HCN1: variants seen among roughly 807,000 people sequenced by gnomAD.
HCN1 encodes the protein hyperpolarization activated cyclic nucleotide gated potassium channel 1.
In HCN1, 13 loss-of-function variants were observed where a neutral mutation model predicts 78.9. That is an observed-to-expected ratio of 0.16 (90% CI 0.11 to 0.26). The LOEUF (loss-of-function observed/expected upper bound fraction) is 0.26, where lower values mean the gene tolerates loss of function less well. Ranked by LOEUF, HCN1 falls within the 10% of genes least tolerant of loss-of-function variation. HCN1 has a pLI of 1.00. For missense variants in HCN1, 810 were observed against 1,154.3 expected (o/e 0.70, Z 4.32); for synonymous variants, 552 against 455.5 (o/e 1.21, Z -2.70).
At chr5:45,582,238 C>A (rs1744095337) in intron 2 of HCN1, among the ~76,000 whole-genome samples, 1 of 152,120 alleles carries the variant, frequency 6.6e-6, no homozygotes, top group Non-Finnish European at 1.5e-5. Flanking sequence ...GTCCTTCACT[C>A]CCTTATAAGT....
rs1346570309 is a variant in HCN1 at position 45,363,669 on chromosome 5, G to A, written c.1231-10423C>T. Among the ~76,000 whole-genome samples the A allele has an allele frequency of 2.6e-5, 4 of 152,052 alleles. No homozygotes were observed. The East Asian group carries it at 5.8e-4, about 22-fold the overall frequency. On this transcript the variant is annotated intron_variant, in intron 4 of 7. Transcript: ENST00000303230. Reference sequence around the variant, plus strand: ...ATGTTGTGGGAGGGACCCAGGGGGTGGTAATTAAATCATGGGGGCCAGTTT... The same window carrying A: ...ATGTTGTGGGAGGGACCCAGGGGGTAGTAATTAAATCATGGGGGCCAGTTT...
chr5:45,483,208 T>C (rs1741690848), intron 2 of HCN1, among the ~76,000 whole-genome samples: 1 of 152,192 alleles, frequency 6.6e-6, no homozygotes, highest in Non-Finnish European at 1.5e-5. Context: ...GTGGCTGGAC[T>C]AATTTACATT....
At chr5:45,685,075 A>G (rs945191497) in intron 1 of HCN1, among the ~76,000 whole-genome samples, 2 of 152,214 alleles carry the variant, frequency 1.3e-5, no homozygotes, top group African/African-American at 4.8e-5. Flanking sequence ...TCAAATTTAT[A>G]GATTTCTCAA....
At chr5:45,534,632 T>C (rs1311160953) in intron 2 of HCN1, among the ~76,000 whole-genome samples, 1 of 151,526 alleles carries the variant, frequency 6.6e-6, no homozygotes, top group African/African-American at 2.4e-5. Flanking sequence ...GACAGACTTA[T>C]GAATGTAGCT....
intron 2 of HCN1, among the ~76,000 whole-genome samples, chr5:45,468,638 T>G (rs1481995748): frequency 6.6e-6 from 1 of 152,064 alleles, no homozygotes; most frequent in Non-Finnish European, 1.5e-5. Flanking sequence ...TTATGAAAAG[T>G]GTGTTTTTTA....
At position 45,255,609 on chromosome 5, in the gene HCN1, G is replaced by A. The variant is rs948071245; in HGVS notation, c.*6312C>T. 1 of 152,206 alleles carries A rather than the reference G, an allele frequency of 6.6e-6. No individual in the cohort carries two copies. Among genetic ancestry groups the A allele is most frequent in the African/African-American group, 2.4e-5 (1 of 41,462 alleles). 9.4% of individuals were successfully genotyped at this position (152,206 alleles called of 1,614,324 possible). A position where few individuals can be genotyped will look rare whatever the true frequency, so the allele number is the denominator to read the frequency against. ...GTAATATGTTAGGTTGGTAATAGAT[G>A]TTAGAAGAGTTAGGCAAACAAGATT... On this transcript the variant is annotated 3_prime_UTR_variant, in exon 8 of 8. Coordinates refer to ENST00000303230, the MANE Select transcript of HCN1 (RefSeq NM_021072.4).
At chr5:45,323,643 C>A (rs1746173165) in intron 5 of HCN1, among the ~76,000 whole-genome samples, 1 of 151,806 alleles carries the variant, frequency 6.6e-6, no homozygotes, top group Non-Finnish European at 1.5e-5. Context: ...TATACATGTG[C>A]CATGTTGCTG....
chr5:45,637,968 G>C (rs1745385269), intron 2 of HCN1, among the ~76,000 whole-genome samples: 1 of 152,038 alleles, frequency 6.6e-6, no homozygotes. Context: ...GGCAAGCAAG[G>C]GTGAATTTTA....
intron 4 of HCN1, among the ~76,000 whole-genome samples, chr5:45,370,636 A>T (rs1360403619): frequency 1.3e-5 from 2 of 152,084 alleles, no homozygotes; most frequent in Non-Finnish European, 2.9e-5. Context: ...TTCTCCCAAG[A>T]GATAAATATA....
chr5:45,664,687 C>T (rs1237400573), intron 1 of HCN1, among the ~76,000 whole-genome samples: 2 of 151,884 alleles, frequency 1.3e-5, no homozygotes, highest in African/African-American at 4.8e-5. Flanking sequence ...AGCCAAAAAA[C>T]ACATGAAAAA....
intron 3 of HCN1, among the ~76,000 whole-genome samples, chr5:45,447,415 A>G (rs573963894): frequency 2.0e-5 from 3 of 152,240 alleles, no homozygotes; most frequent in African/African-American, 7.2e-5. Context: ...CTAGCTATTC[A>G]AAGTTTTTAT....
At chr5:45,392,214 G>A (rs1457369994) in intron 4 of HCN1, among the ~76,000 whole-genome samples, 1 of 152,038 alleles carries the variant, frequency 6.6e-6, no homozygotes, top group African/African-American at 2.4e-5. Flanking sequence ...TTTTGTGTCT[G>A]GGTGTACCAT....
At chr5:45,622,205 TAA>T (rs35243375) in intron 2 of HCN1, among the ~76,000 whole-genome samples, 1 of 143,100 alleles carries the variant, frequency 7.0e-6, no homozygotes. Flanking sequence ...GACTTCGTCT[TAA>T]AAAAAAAAAG....
chr5:45,479,369 T>C (rs980798793), intron 2 of HCN1, among the ~76,000 whole-genome samples: 1 of 152,122 alleles, frequency 6.6e-6, no homozygotes, highest in African/African-American at 2.4e-5. Context: ...CTCATGGGTT[T>C]TGAATAGGGA....
chr5:45,369,099 C>CTT (rs374140846), intron 4 of HCN1, among the ~76,000 whole-genome samples: 2 of 143,434 alleles, frequency 1.4e-5, no homozygotes, highest in African/African-American at 5.1e-5. Flanking sequence ...TTTCATGTGG[C>CTT]TTTTTTTTTT....
chr5:45,527,127 G>A (rs1402608836), intron 2 of HCN1, among the ~76,000 whole-genome samples: 2 of 135,874 alleles, frequency 1.5e-5, no homozygotes, highest in Non-Finnish European at 3.2e-5. Context: ...GACTGAGATA[G>A]ATACTATTCT....
At chr5:45,417,663 G>A (rs902835639) in intron 3 of HCN1, among the ~76,000 whole-genome samples, 2 of 143,618 alleles carry the variant, frequency 1.4e-5, no homozygotes, top group African/African-American at 5.2e-5. Context: ...GTTATCCACA[G>A]TCAGCTATGA....
intron 2 of HCN1, among the ~76,000 whole-genome samples, chr5:45,585,905 C>T (rs1330057149): frequency 2.0e-5 from 3 of 152,140 alleles, no homozygotes; most frequent in Admixed American, 2.0e-4. Flanking sequence ...CAGAGGAGTA[C>T]CCAGCCGTGT....
intron 3 of HCN1, among the ~76,000 whole-genome samples, chr5:45,409,287 C>G (rs1739983803): frequency 6.6e-6 from 1 of 152,024 alleles, no homozygotes; most frequent in East Asian, 1.9e-4. Context: ...AAAATATGTT[C>G]ATAGCACGTT....
Sources: gnomAD v4.1 joint callset for allele counts (sites outside exome capture counted in the v4.1 genomes callset) on GRCh38, gnomAD v4.1.1 for gene constraint, MANE v1.5 for transcripts, NCBI Gene and HGNC (gene_info 2026-07-23, HGNC 2026-07-21) for gene names.